LAMA2: variants seen among roughly 807,000 people sequenced by gnomAD.
LAMA2 encodes laminin subunit alpha 2.
A neutral mutation model predicts 364.8 loss-of-function variants in LAMA2; 269 were observed. The ratio of observed to expected loss-of-function variants is 0.74; its 90% CI spans 0.67 to 0.82. The LOEUF (loss-of-function observed/expected upper bound fraction) is 0.82, where lower values mean the gene tolerates loss of function less well. Ranked by LOEUF, LAMA2 falls within the 40% of genes least tolerant of loss-of-function variation. The probability of loss-of-function intolerance (pLI) is 0.00; values close to 1 mark genes in which losing one functional copy is unlikely to be tolerated. For missense variants in LAMA2, 3,807 were observed against 3,873.2 expected, an observed-to-expected ratio of 0.98 and a Z score of 0.45; for synonymous variants, 1,379 against 1,370.6, an observed-to-expected ratio of 1.01 and a Z score of -0.14.
intron 12 of LAMA2, among the ~76,000 whole-genome samples, chr6:129,247,868 T>A (rs1308822493): frequency 6.6e-6 from 1 of 152,230 alleles, no homozygotes; most frequent in Non-Finnish European, 1.5e-5. Flanking sequence ...TCATGTTTTA[T>A]ATTATCGCTG....
intron 1 of LAMA2, among the ~76,000 whole-genome samples, chr6:128,953,784 G>A (rs972467145): frequency 1.3e-5 from 2 of 151,822 alleles, no homozygotes; most frequent in African/African-American, 2.4e-5. Context: ...TTTGGTGTGC[G>A]GTTTAAAAGA....
intron 10 of LAMA2, among the ~76,000 whole-genome samples, chr6:129,187,533 A>G (rs1434313317): frequency 6.6e-6 from 1 of 151,772 alleles, no homozygotes; most frequent in South Asian, 2.1e-4. Context: ...ACAACCGCTA[A>G]TGACTTACCA....
chr6:128,989,687 G>A (rs1783484583), intron 1 of LAMA2, among the ~76,000 whole-genome samples: 1 of 152,194 alleles, frequency 6.6e-6, no homozygotes, highest in Non-Finnish European at 1.5e-5. Flanking sequence ...CAGTTTTGTA[G>A]ATAATTTGCT....
At position 129,452,976 on chromosome 6, in the gene LAMA2, T is replaced by A; in HGVS notation, c.6430-12T>A. 1.2e-6 allele frequency: 2 copies of A among 1,607,492 alleles called. No individual in the cohort carries two copies. Among genetic ancestry groups the A allele is most frequent in the Non-Finnish European group, 1.7e-6 (2 of 1,175,272 alleles). ...TTTACTCTTGGTTCTTTGTATCTTG[T>A]TTTTTTTAAAGATCAAAGTATCTGT... is the stretch of plus-strand genomic sequence containing the variant. On this transcript the variant is annotated splice_polypyrimidine_tract_variant and intron_variant, in intron 45 of 64. Transcript: ENST00000421865.
At chr6:129,241,805 ACTTAGTATCCATTGCAC>A (rs1785410538) in intron 12 of LAMA2, among the ~76,000 whole-genome samples, 2 of 152,166 alleles carry the variant, frequency 1.3e-5, no homozygotes, top group Non-Finnish European at 2.9e-5. Flanking sequence ...CTGGAGTGTG[ACTTAGTATCCATTGCAC>A]CTTTGGGATT....
rs1015640416 is a variant in LAMA2, at chr6:129,391,734, C to T, written c.5234+81C>T. The T allele has an allele frequency of 4.7e-5, 58 of 1,221,166 alleles. 1 individual carries two copies. In the South Asian group the frequency reaches 6.5e-4, roughly 14 times the overall value. 75.6% of individuals were successfully genotyped at this position (1,221,166 alleles called of 1,614,324 possible). A position where few individuals can be genotyped will look rare whatever the true frequency, so the allele number is the denominator to read the frequency against. ...TACAGTTTTCTAAATTTTTATCACA[C>T]GTATAAGTAAAAGATGCTTTGTTTT... On this transcript the variant is annotated intron_variant, in intron 36 of 64. Transcript: ENST00000421865.
intron 1 of LAMA2, among the ~76,000 whole-genome samples, chr6:128,911,628 G>C (rs879929169): frequency 6.6e-6 from 1 of 152,174 alleles, no homozygotes; most frequent in Non-Finnish European, 1.5e-5. Context: ...GCTGTAGACC[G>C]GAGCTGTTCC....
intron 18 of LAMA2, among the ~76,000 whole-genome samples, chr6:129,282,272 T>G (rs1788772993): frequency 6.6e-6 from 1 of 152,228 alleles, no homozygotes; most frequent in Admixed American, 6.5e-5. Flanking sequence ...TTTCCTAAAC[T>G]TATGTGGCCA....
At chr6:128,893,912 A>T (rs1776616690) in intron 1 of LAMA2, among the ~76,000 whole-genome samples, 1 of 152,096 alleles carries the variant, frequency 6.6e-6, no homozygotes, top group Non-Finnish European at 1.5e-5. Context: ...CTGGATTCTC[A>T]TTTCTGCCTC....
At chr6:129,444,678 A>T (rs1394803847) in intron 44 of LAMA2, among the ~76,000 whole-genome samples, 2 of 152,244 alleles carry the variant, frequency 1.3e-5, no homozygotes, top group Non-Finnish European at 2.9e-5. Flanking sequence ...CCCTTTGAGC[A>T]CATGTGATTC....
At chr6:129,133,237 G>C (rs1206765384) in intron 4 of LAMA2, among the ~76,000 whole-genome samples, 1 of 152,160 alleles carries the variant, frequency 6.6e-6, no homozygotes, top group Non-Finnish European at 1.5e-5. Context: ...GAGGCCTACA[G>C]TTTCCTTTTA....
intron 41 of LAMA2, among the ~76,000 whole-genome samples, chr6:129,428,820 GT>G (rs1781452213): frequency 6.6e-6 from 1 of 152,080 alleles, no homozygotes; most frequent in South Asian, 2.1e-4. Flanking sequence ...CATATTATGG[GT>G]TTTATGTTAA....
rs144413852 is a variant in LAMA2 at position 129,112,718 on chromosome 6, T to G, written c.639+14303T>G. Among the ~76,000 whole-genome samples, 118 of 150,418 alleles carry G rather than the reference T, an allele frequency of 7.8e-4. 1 individual carries two copies. Among genetic ancestry groups the G allele is most frequent in the African/African-American group, 2.8e-3 (114 of 40,586 alleles). On this transcript the variant is annotated intron_variant, in intron 4 of 64. Transcript: ENST00000421865. ...GCACAGAAAAGTCTGGTTACAAGAT[T>G]ACAGAGAGAGAGAGAAAAAAAAAAC...
At chr6:129,154,730 C>G in intron 8 of LAMA2, 47 bp downstream of exon 8, 1 of 1,463,568 alleles carries the variant, frequency 6.8e-7, no homozygotes, top group Non-Finnish European at 9.5e-7. Flanking sequence ...TTTGCTTTTT[C>G]ATACAAAAAT....
At chr6:129,243,951 G>T (rs773928164) in intron 12 of LAMA2, among the ~76,000 whole-genome samples, 17 of 150,156 alleles carry the variant, frequency 1.1e-4, no homozygotes, top group Non-Finnish European at 2.1e-4. Flanking sequence ...AGGAAAAGCA[G>T]ATAGGAAGGA....
At chr6:129,320,347 G>A (rs1283860923) in intron 27 of LAMA2, among the ~76,000 whole-genome samples, 191 bp from the exon 28 acceptor site, 2 of 152,022 alleles carry the variant, frequency 1.3e-5, no homozygotes, top group Non-Finnish European at 2.9e-5. Context: ...GTGAACCCAT[G>A]CAGTTCAAGC....
chr6:129,453,243 G>A (rs1782780036), intron 46 of LAMA2, 112 bp downstream of exon 46: 16 of 1,019,102 alleles, frequency 1.6e-5, no homozygotes, highest in Non-Finnish European at 2.4e-5. Flanking sequence ...GTCTAACGTA[G>A]GCTTTCAGAT....
chr6:128,988,088 A>G (rs1391220346), intron 1 of LAMA2, among the ~76,000 whole-genome samples: 1 of 151,936 alleles, frequency 6.6e-6, no homozygotes, highest in African/African-American at 2.4e-5. Flanking sequence ...CTGGTCTCGA[A>G]CTCCTGACCT....
chr6:129,256,763 C>CAT (rs199726173), intron 14 of LAMA2, among the ~76,000 whole-genome samples: 9,060 of 87,228 alleles, frequency 0.1, 675 homozygotes, highest in East Asian at 0.14. Context: ...AATTATATAG[C>CAT]ATATATATAT....
Sources: allele counts gnomAD v4.1 joint callset (sites outside exome capture counted in the v4.1 genomes callset), GRCh38; gene constraint gnomAD v4.1.1; transcripts MANE v1.5; gene names NCBI Gene and HGNC (gene_info 2026-07-23, HGNC 2026-07-21).